RBM27: variants seen among roughly 807,000 people sequenced by gnomAD.
The protein encoded by RBM27 is RNA-binding protein 27.
Under a neutral mutation model 135.3 loss-of-function variants are expected in RBM27, and 22 were observed. The ratio of observed to expected loss-of-function variants is 0.16; its 90% CI spans 0.12 to 0.23. The LOEUF is 0.23. Ranked by LOEUF, RBM27 falls within the 10% of genes least tolerant of loss-of-function variation. The pLI is 1.00. For missense variants in RBM27, 1,009 were observed against 1,281.0 expected (o/e 0.79, Z 3.24); for synonymous variants, 481 against 442.4 (o/e 1.09, Z -1.10).
chr5:146,239,807 C>T (rs2126784036), intron 8 of RBM27, among the ~76,000 whole-genome samples: 1 of 142,452 alleles, frequency 7.0e-6, no homozygotes, highest in South Asian at 2.3e-4. Context: ...GACAGAGTCT[C>T]AACTCTGTTC....
In RBM27 at chr5:146,271,468, TTTG is replaced by T; in HGVS notation, c.2797-9_2797-7del. 1.3e-6 allele frequency: 2 copies of T among 1,591,674 alleles called. No homozygotes were observed. Among genetic ancestry groups the T allele is most frequent in the Non-Finnish European group, 1.7e-6 (2 of 1,163,048 alleles). ...TAATAATGTATGCTACATTCTACTT[TTTG>T]TTGTTATTCAGGCTGCACGGTTAGG... On this transcript the variant is annotated splice_polypyrimidine_tract_variant and intron_variant, in intron 18 of 20. Transcript: ENST00000265271.
chr5:146,228,438 C>T (rs1756775351), intron 3 of RBM27, among the ~76,000 whole-genome samples: 1 of 151,686 alleles, frequency 6.6e-6, no homozygotes, highest in Admixed American at 6.6e-5. Flanking sequence ...CGTGCCACCA[C>T]ACGTGGCTAA....
chr5:146,209,863 G>A lies in RBM27; in HGVS notation c.59+6039G>A, dbSNP rs555088899. ...CTTTGGCCAGAAGACTTCTTGGCAAGTTTTAGTCTACTAACTTAAGAACAT... is the reference window on the plus strand; with the variant it reads ...CTTTGGCCAGAAGACTTCTTGGCAAATTTTAGTCTACTAACTTAAGAACAT... On this transcript the variant is annotated intron_variant, in intron 1 of 20. Coordinates refer to ENST00000265271, the MANE Select transcript of RBM27 (RefSeq NM_018989.2). 7.9e-5 allele frequency among the ~76,000 whole-genome samples: 12 copies of A among 152,252 alleles called. No individual in the cohort carries two copies. In the East Asian group the frequency reaches 1.9e-3, roughly 25 times the overall value.
chr5:146,274,854 T>C (rs1759025901), intron 19 of RBM27, among the ~76,000 whole-genome samples: 1 of 151,902 alleles, frequency 6.6e-6, no homozygotes, highest in Admixed American at 6.6e-5. Context: ...CAGCAGACTT[T>C]TTCTGTAAAG....
chr5:146,260,681 G>T (rs1758357553), intron 11 of RBM27, 64 bp from the exon 12 acceptor site: 1 of 1,401,724 alleles, frequency 7.1e-7, no homozygotes, highest in South Asian at 1.5e-5. Context: ...ATTCTTTGTG[G>T]TTATATCTCT....
chr5:146,254,105 A>C (rs1220680812), intron 9 of RBM27, among the ~76,000 whole-genome samples: 1 of 152,232 alleles, frequency 6.6e-6, no homozygotes, highest in African/African-American at 2.4e-5. Context: ...GATGGATAAC[A>C]GAGGAAACTC....
rs1561516292 is a variant in RBM27, at chr5:146,203,755, T to G, written c.-11T>G. 1 of 1,549,530 alleles carries G rather than the reference T, an allele frequency of 6.5e-7. No homozygotes were observed. Among genetic ancestry groups the G allele is most frequent in the East Asian group, 2.5e-5 (1 of 40,788 alleles). ...AAGAAGAGCGGCGGCCGAGCCCGCC[T>G]TCCCTGCACCATGCTCATAGAGGAT... On this transcript the variant is annotated 5_prime_UTR_variant, in exon 1 of 21. Transcript: ENST00000265271.
At chr5:146,281,095 G>A (rs1310216020) in intron 19 of RBM27, among the ~76,000 whole-genome samples, 2 of 151,950 alleles carry the variant, frequency 1.3e-5, no homozygotes, top group African/African-American at 2.4e-5. Context: ...TCCTGACATC[G>A]GCCTCCTAAA....
chr5:146,242,657 G>A (rs562825463), intron 8 of RBM27, among the ~76,000 whole-genome samples: 96 of 152,200 alleles, frequency 6.3e-4, no homozygotes, highest in South Asian at 2.1e-4. Context: ...GCAGTGGTGC[G>A]ATCTCAGCTC....
At chr5:146,268,190 G>A (rs1311217655) in intron 15 of RBM27, among the ~76,000 whole-genome samples, 1 of 151,672 alleles carries the variant, frequency 6.6e-6, no homozygotes, top group Non-Finnish European at 1.5e-5. Context: ...CAGGAGGGTG[G>A]GAGGCAAAAT....
At chr5:146,229,186 T>C (rs2126745530) in intron 4 of RBM27, 149 bp downstream of exon 4, 3 of 632,382 alleles carry the variant, frequency 4.7e-6, no homozygotes, top group East Asian at 5.8e-5. Context: ...TTTCATTCTT[T>C]CTGTTTTTTG....
At chr5:146,283,170 A>G (rs1468025255) in intron 19 of RBM27, among the ~76,000 whole-genome samples, 1 of 152,192 alleles carries the variant, frequency 6.6e-6, no homozygotes, top group Non-Finnish European at 1.5e-5. Flanking sequence ...AAGCCTCTCT[A>G]TAATTGGGCT....
chr5:146,285,569 A>G (rs745407281), intron 20 of RBM27, among the ~76,000 whole-genome samples: 7 of 152,160 alleles, frequency 4.6e-5, no homozygotes, highest in East Asian at 3.8e-4. Flanking sequence ...TTGGATGGAT[A>G]TAAAAACAAA....
rs539502778 is a variant in RBM27, at chr5:146,247,472, A to G, written c.1280-4239A>G. Among the ~76,000 whole-genome samples the G allele has an allele frequency of 2.6e-5, 4 of 152,302 alleles. No individual in the cohort carries two copies. In the South Asian group the frequency reaches 8.3e-4, roughly 32 times the overall value. On this transcript the variant is annotated intron_variant, in intron 8 of 20. Transcript: ENST00000265271. ...TTTGACGCTATATCCAAACAGGGTT[A>G]TACATTACGTTTAGTTGATATCTTT...
rs147566110 is a variant in RBM27 at position 146,277,491 on chromosome 5, T to C, written c.2988+5817T>C. On this transcript the variant is annotated intron_variant, in intron 19 of 20. Transcript: ENST00000265271. ...TATGAACAATGTTATATACATCATGTTAGATTTAGCATATTTACTGGGATA... is the reference window on the plus strand; with the variant it reads ...TATGAACAATGTTATATACATCATGCTAGATTTAGCATATTTACTGGGATA... Among the ~76,000 whole-genome samples the C allele has an allele frequency of 4.9e-3, 741 of 152,138 alleles. 6 individuals carry two copies. The highest frequency in any genetic ancestry group is 0.017 in the African/African-American group (711 of 41,512).
At chr5:146,237,706 G>A (rs1757231120) in intron 8 of RBM27, among the ~76,000 whole-genome samples, 2 of 151,694 alleles carry the variant, frequency 1.3e-5, no homozygotes, top group Admixed American at 6.6e-5. Flanking sequence ...TTATTTTTTT[G>A]AGACAGAGTC....
rs1268674234 is a variant in RBM27, at chr5:146,221,157, A to C, written c.178+2054A>C. On this transcript the variant is annotated intron_variant, in intron 2 of 20. Transcript: ENST00000265271. ...AGCAAGACTCCATCTCAAAAAAAAA[A>C]AAAAGTTAGAAAGGATTTTAGTAAT... Among the ~76,000 whole-genome samples the C allele has an allele frequency of 6.5e-4, 99 of 152,234 alleles. 3 individuals carry two copies. The highest frequency in any genetic ancestry group is 4.4e-5 in the Non-Finnish European group (3 of 68,014).
At chr5:146,274,367 G>A (rs1311464674) in intron 19 of RBM27, among the ~76,000 whole-genome samples, 1 of 149,412 alleles carries the variant, frequency 6.7e-6, no homozygotes, top group East Asian at 2.0e-4. Context: ...AGCGATTCTC[G>A]TGCCTCAGCC....
chr5:146,239,472 C>CTTTTTTTTTTTTTTTTTTTT (rs916182587), intron 8 of RBM27, among the ~76,000 whole-genome samples: 1 of 55,360 alleles, frequency 1.8e-5, no homozygotes, highest in African/African-American at 6.4e-5. Context: ...TTTTCCTTTT[C>CTTTTTTTTTTTTTTTTTTTT]TTTTTTTTTT....
Sources: gnomAD v4.1 joint callset for allele counts (sites outside exome capture counted in the v4.1 genomes callset) on GRCh38, gnomAD v4.1.1 for gene constraint, MANE v1.5 for transcripts, NCBI Gene and HGNC (gene_info 2026-07-23, HGNC 2026-07-21) for gene names.